RGS5: variants seen among roughly 807,000 people sequenced by gnomAD.
RGS5 encodes the protein regulator of G protein signaling 5, also known as regulator of G-protein signalling 5.
A neutral mutation model predicts 18.9 loss-of-function variants in RGS5; 20 were observed. The observed-to-expected ratio is 1.06, with a 90% CI of 0.74 to 1.54. The LOEUF (loss-of-function observed/expected upper bound fraction) is 1.54. RGS5 is among the 40% of genes most tolerant of loss of function. The pLI is 0.00. For synonymous variants in RGS5, 57 were observed against 76.2 expected (o/e 0.75, Z 1.31); for missense variants, 201 against 211.8 (o/e 0.95, Z 0.32).
At chr1:163,187,103 C>T (rs540653036) in intron 1 of RGS5, among the ~76,000 whole-genome samples, 18 of 152,262 alleles carry the variant, frequency 1.2e-4, no homozygotes, top group African/African-American at 3.4e-4. Context: ...TGCACTCCAG[C>T]CATCTGCACT....
chr1:163,295,694 T>C (rs1649405215), intron 2 of RGS5, among the ~76,000 whole-genome samples: 1 of 152,160 alleles, frequency 6.6e-6, no homozygotes, highest in African/African-American at 2.4e-5. Flanking sequence ...CCACACCCAA[T>C]GCCAAGTACT....
chr1:163,203,111 C>T (rs1571286528), upstream of RGS5: 10 of 377,406 alleles, frequency 2.6e-5, no homozygotes, highest in East Asian at 4.7e-4. Flanking sequence ...TATCACAACA[C>T]TCTCTTGCTA....
upstream of RGS5, chr1:163,206,578 G>A (rs1659960510): frequency 6.6e-6 from 1 of 152,090 alleles, no homozygotes; most frequent in East Asian, 1.9e-4. Context: ...ATATTAAGAG[G>A]TGGGGCCTTT....
chr1:163,221,410 T>A (rs1449692776), upstream of RGS5, among the ~76,000 whole-genome samples: 1 of 152,068 alleles, frequency 6.6e-6, no homozygotes, highest in African/African-American at 2.4e-5. Flanking sequence ...GGTAGAAGAA[T>A]CACTTGAACC....
At chr1:163,220,285 T>G (rs962216387), upstream of RGS5, among the ~76,000 whole-genome samples, 2 of 151,196 alleles carry the variant, frequency 1.3e-5, no homozygotes, top group Non-Finnish European at 2.9e-5. Flanking sequence ...GTTCTTTTCC[T>G]TTTTAAATGT....
chr1:163,192,336 CACCCTTGGTGCCT>C (rs1269292531), intron 1 of RGS5, among the ~76,000 whole-genome samples: 1 of 152,062 alleles, frequency 6.6e-6, no homozygotes, highest in African/African-American at 2.4e-5. Context: ...TTGTAGAACA[CACCCTTGGTGCCT>C]ACAAAATGTT....
In RGS5 at chr1:163,208,518, TAAAAAAAAAAA is replaced by T. The variant is rs55700806; in HGVS notation, c.69+8997_69+9007del. Among the ~76,000 whole-genome samples, 111 of 14,466 alleles carry T rather than the reference TAAAAAAAAAAA, an allele frequency of 7.7e-3. 1 individual carries two copies. Among genetic ancestry groups the T allele is most frequent in the Non-Finnish European group, 0.011 (94 of 8,456 alleles). The allele number at this position is 14,466 out of a possible 152,430, so 9.5% of individuals were successfully genotyped here. On this transcript the variant is annotated intron_variant, in intron 1 of 5. Transcript: ENST00000367903. The stretch of plus-strand genomic sequence containing the variant: ...CAACAGAACAAGACTCCACCTCCAT[TAAAAAAAAAAA>T]AAAAAAAAAAAAAAAAGTCAGAAGT...
At chr1:163,184,434 T>G (rs1005223370) in intron 1 of RGS5, among the ~76,000 whole-genome samples, 2 of 148,080 alleles carry the variant, frequency 1.4e-5, no homozygotes, top group African/African-American at 2.5e-5. Context: ...ACAATGTCTG[T>G]TAAATGAAAA....
chr1:163,157,880 GT>G (rs1657651373), intron 3 of RGS5, among the ~76,000 whole-genome samples: 1 of 151,910 alleles, frequency 6.6e-6, no homozygotes, highest in African/African-American at 2.4e-5. Flanking sequence ...GTCTTTTTAT[GT>G]TGCCCAGACT....
At chr1:163,315,131 A>C (rs938074058) in intron 1 of RGS5, among the ~76,000 whole-genome samples, 4 of 152,218 alleles carry the variant, frequency 2.6e-5, no homozygotes, top group South Asian at 2.1e-4. Context: ...CCTGTGCCCC[A>C]AAAACTATTC....
intron 2 of RGS5, among the ~76,000 whole-genome samples, chr1:163,285,048 T>C (rs1649107278): frequency 6.6e-6 from 1 of 151,842 alleles, no homozygotes; most frequent in Non-Finnish European, 1.5e-5. Context: ...AACCACCAGA[T>C]CTCATGAGAC....
chr1:163,235,730 T>C (rs1401306541), intron 2 of RGS5, among the ~76,000 whole-genome samples: 2 of 152,242 alleles, frequency 1.3e-5, no homozygotes, highest in Non-Finnish European at 2.9e-5. Context: ...TTTCATTTTG[T>C]AGTATCTCTG....
intron 2 of RGS5, among the ~76,000 whole-genome samples, chr1:163,291,508 G>A (rs549141888): frequency 7.8e-4 from 119 of 152,212 alleles, no homozygotes; most frequent in Middle Eastern, 3.4e-3. Context: ...AATGACAGCC[G>A]GCCATGATTC....
In RGS5 at chr1:163,241,420, TG is replaced by T. The variant is rs565792517; in HGVS notation, c.-281+64812del. Among the ~76,000 whole-genome samples, 30 of 152,326 alleles carry T rather than the reference TG, an allele frequency of 2.0e-4. No individual in the cohort carries two copies. The South Asian group carries it at 2.1e-3, about 11-fold the overall frequency. ...GCTCTAAACTCTTGTTATGTATAGT[TG>T]CATTTTGTCTCTCTCTAGAAGGGCC... On this transcript the variant is annotated intron_variant, in intron 2 of 5. Coordinates refer to the RGS5 transcript ENST00000618415.
intron 1 of RGS5, among the ~76,000 whole-genome samples, chr1:163,318,021 CAG>C (rs751024162): frequency 5.3e-5 from 8 of 152,056 alleles, no homozygotes; most frequent in Non-Finnish European, 1.2e-4. Flanking sequence ...GTCAAGAAAG[CAG>C]AGAGAAAAGT....
Position 163,147,415 on chromosome 1 carries a change from A to G in RGS5, c.473T>C (p.Ile158Thr), listed in dbSNP as rs1247708336. ...LSSFDMAQKRIHALMEKDSLP... is the reference protein window; with the variant it reads ...LSSFDMAQKRTHALMEKDSLP... ...AGAATCCTTTTCCATCAGGGCATGG[A>G]TTCTTTTCTGGGCCATGTCAAAGCT... The change falls in exon 5 of 5, where the codon ATC becomes ACC. Residue 158 changes from isoleucine (I) to threonine (T), a missense_variant. Coordinates refer to ENST00000313961, the MANE Select transcript of RGS5 (RefSeq NM_003617.4). The G allele has an allele frequency of 6.2e-7, 1 of 1,613,126 alleles. No individual in the cohort carries two copies. Among genetic ancestry groups the G allele is most frequent in the African/African-American group, 1.3e-5 (1 of 74,892 alleles).
intron 2 of RGS5, among the ~76,000 whole-genome samples, chr1:163,235,986 A>G (rs1435568680): frequency 6.6e-6 from 1 of 152,192 alleles, no homozygotes; most frequent in Non-Finnish European, 1.5e-5. Context: ...TTTTAACAAA[A>G]GGTTTATAGT....
chr1:163,283,586 G>A (rs2101720455), intron 2 of RGS5, among the ~76,000 whole-genome samples: 1 of 152,246 alleles, frequency 6.6e-6, no homozygotes, highest in Admixed American at 6.5e-5. Flanking sequence ...AGAATCCAGT[G>A]ACTTGCTTCT....
At chr1:163,233,504 A>C (rs1198416083) in intron 2 of RGS5, among the ~76,000 whole-genome samples, 1 of 152,244 alleles carries the variant, frequency 6.6e-6, no homozygotes, top group Non-Finnish European at 1.5e-5. Flanking sequence ...TAAAATAAAT[A>C]CTTAAATCAA....
Sources: allele counts gnomAD v4.1 joint callset (sites outside exome capture counted in the v4.1 genomes callset), GRCh38; gene constraint gnomAD v4.1.1; transcripts MANE v1.5; gene names NCBI Gene and HGNC (gene_info 2026-07-23, HGNC 2026-07-21).